Variants in FBXL17 observed in about 807,000 individuals in gnomAD.
FBXL17 encodes the protein F-box/LRR-repeat protein 17.
In FBXL17, 22 loss-of-function variants were observed where a neutral mutation model predicts 66.2. The ratio of observed to expected loss-of-function variants is 0.33; its 90% CI spans 0.24 to 0.47. FBXL17 has a LOEUF of 0.47. FBXL17 is among the 20% of genes least tolerant of loss of function. FBXL17 has a pLI of 1.00. For synonymous variants in FBXL17, 474 were observed against 400.5 expected, an observed-to-expected ratio of 1.18 and a Z score of -2.19; for missense variants, 878 against 948.2, an observed-to-expected ratio of 0.93 and a Z score of 0.97.
In FBXL17 at chr5:108,123,059, T is replaced by C; in HGVS notation, c.1745+63058A>G. On this transcript the variant is annotated intron_variant, in intron 6 of 8. Transcript: ENST00000542267. ...TTACTTTTTATTCTTTGGCTGCATA[T>C]AAAATCTCCTACTTCTCCATACTAG... Among the ~76,000 whole-genome samples the C allele has an allele frequency of 1.3e-5, 2 of 151,004 alleles. 1 individual carries two copies. Among genetic ancestry groups the C allele is most frequent in the Non-Finnish European group, 2.9e-5 (2 of 67,858 alleles).
intron 7 of FBXL17, among the ~76,000 whole-genome samples, chr5:107,940,968 T>C (rs1180146482): frequency 1.3e-5 from 2 of 152,164 alleles, no homozygotes; most frequent in African/African-American, 2.4e-5. Flanking sequence ...CCATAGCTTT[T>C]TGGCTTCTAA....
At chr5:108,029,638 T>C (rs937350937) in intron 6 of FBXL17, among the ~76,000 whole-genome samples, 1 of 152,138 alleles carries the variant, frequency 6.6e-6, no homozygotes, top group Non-Finnish European at 1.5e-5. Context: ...TAAAAAATAA[T>C]TCTTTTTATT....
At chr5:108,210,748 GA>G (rs1334634282) in intron 5 of FBXL17, among the ~76,000 whole-genome samples, 11 of 152,280 alleles carry the variant, frequency 7.2e-5, no homozygotes, top group African/African-American at 2.6e-4. Flanking sequence ...GTCAATTTTA[GA>G]ATAAGTGCAG....
At chr5:107,984,711 C>G (rs1175406455) in intron 7 of FBXL17, among the ~76,000 whole-genome samples, 2 of 151,994 alleles carry the variant, frequency 1.3e-5, no homozygotes, top group Non-Finnish European at 2.9e-5. Flanking sequence ...CATTATATGA[C>G]CACAGAGGAA....
At chr5:108,111,957 AAGGAGACAAATG>A (rs1156525988) in intron 6 of FBXL17, among the ~76,000 whole-genome samples, 1 of 152,194 alleles carries the variant, frequency 6.6e-6, no homozygotes, top group East Asian at 1.9e-4. Context: ...ATCTGAGAGA[AAGGAGACAAATG>A]AGGACAGCCA....
At chr5:108,080,423 T>C (rs984805103) in intron 6 of FBXL17, among the ~76,000 whole-genome samples, 10 of 152,234 alleles carry the variant, frequency 6.6e-5, no homozygotes, top group South Asian at 2.1e-4. Flanking sequence ...ACTTTGTTAG[T>C]AGAGGCGAGA....
chr5:108,253,908 A>C (rs1756465801), intron 4 of FBXL17, among the ~76,000 whole-genome samples: 1 of 152,068 alleles, frequency 6.6e-6, no homozygotes, highest in Non-Finnish European at 1.5e-5. Context: ...TGAGAGGATC[A>C]CTTGAGCCTG....
intron 4 of FBXL17, among the ~76,000 whole-genome samples, chr5:108,259,518 A>T (rs1756721793): frequency 6.6e-6 from 1 of 152,190 alleles, no homozygotes; most frequent in African/African-American, 2.4e-5. Context: ...TAACACACTT[A>T]ACCTCTCTTA....
rs369494144 is a variant in FBXL17 at position 108,038,736 on chromosome 5, A to G, written c.1746-17735T>C. 5.3e-5 allele frequency among the ~76,000 whole-genome samples: 8 copies of G among 152,216 alleles called. No homozygotes were observed. In the East Asian group the frequency reaches 1.5e-3, roughly 29 times the overall value. The stretch of plus-strand genomic sequence containing the variant: ...TTTGATAAAGGCAATTCACAAAAAA[A>G]TATGCTTTTGAATTAGATGTGAGTG... On this transcript the variant is annotated intron_variant, in intron 6 of 8. Transcript: ENST00000542267.
chr5:108,255,931 A>G (rs1756558497), intron 4 of FBXL17, among the ~76,000 whole-genome samples: 3 of 152,222 alleles, frequency 2.0e-5, no homozygotes, highest in Admixed American at 2.0e-4. Context: ...AGCAAGGCGT[A>G]AGGCAAGGGC....
At chr5:107,981,974 G>A (rs1752847971) in intron 7 of FBXL17, among the ~76,000 whole-genome samples, 1 of 152,262 alleles carries the variant, frequency 6.6e-6, no homozygotes, top group Middle Eastern at 3.4e-3. Flanking sequence ...GGCTGATTGT[G>A]AAAAATATTA....
intron 6 of FBXL17, among the ~76,000 whole-genome samples, chr5:108,177,908 A>AAAGTATATAT (rs1335669725): frequency 2.8e-5 from 2 of 70,200 alleles, no homozygotes; most frequent in Non-Finnish European, 6.0e-5. Context: ...CAGAAAAAAA[A>AAAGTATATAT]ATGTATATAT....
intron 5 of FBXL17, among the ~76,000 whole-genome samples, chr5:108,194,487 G>C (rs998055564): frequency 6.6e-6 from 1 of 152,178 alleles, no homozygotes; most frequent in Non-Finnish European, 1.5e-5. Flanking sequence ...CAGCCGCCAA[G>C]GAACCAGGTA....
At chr5:108,062,799 C>T (rs1053788438) in intron 6 of FBXL17, among the ~76,000 whole-genome samples, 2 of 151,994 alleles carry the variant, frequency 1.3e-5, no homozygotes, top group African/African-American at 2.4e-5. Context: ...AGTAACTGCA[C>T]AAAGAAGTAA....
intron 4 of FBXL17, among the ~76,000 whole-genome samples, chr5:108,323,792 G>A (rs1003389989): frequency 6.6e-6 from 1 of 151,964 alleles, no homozygotes; most frequent in Non-Finnish European, 1.5e-5. Context: ...TGCATAAAAA[G>A]TCAAATTATT....
intron 7 of FBXL17, among the ~76,000 whole-genome samples, chr5:107,899,406 C>T (rs538048734): frequency 6.6e-6 from 1 of 152,074 alleles, no homozygotes; most frequent in East Asian, 1.9e-4. Flanking sequence ...TCCAGGAGGC[C>T]GAGGCGAGAG....
intron 4 of FBXL17, among the ~76,000 whole-genome samples, chr5:108,320,437 G>A (rs1213576710): frequency 1.3e-5 from 2 of 151,336 alleles, no homozygotes; most frequent in East Asian, 1.9e-4. Context: ...TACAGCTCTT[G>A]GAAAGCATCC....
At chr5:107,897,246 A>G (rs1402164634) in intron 7 of FBXL17, among the ~76,000 whole-genome samples, 7 of 152,092 alleles carry the variant, frequency 4.6e-5, no homozygotes, top group African/African-American at 1.7e-4. Context: ...AAATGCCACA[A>G]AAAATTTTAT....
intron 7 of FBXL17, among the ~76,000 whole-genome samples, chr5:107,988,274 C>A (rs1049904091): frequency 3.3e-5 from 5 of 151,960 alleles, no homozygotes; most frequent in Admixed American, 3.3e-4. Context: ...TATCTCCTTT[C>A]AATTCATTAC....
Sources: gnomAD v4.1 joint callset for allele counts (sites outside exome capture counted in the v4.1 genomes callset) on GRCh38, gnomAD v4.1.1 for gene constraint, MANE v1.5 for transcripts, NCBI Gene and HGNC (gene_info 2026-07-23, HGNC 2026-07-21) for gene names.